The following DCBLD1 variants were observed in gnomAD, a reference collection of about 807,000 sequenced individuals.
DCBLD1 encodes the protein discoidin, CUB and LCCL domain containing 1, also known as discoidin, CUB and LCCL domain-containing protein 1.
In DCBLD1, 57 loss-of-function variants were observed where a neutral mutation model predicts 71.5. That is an observed-to-expected ratio of 0.80 (90% CI 0.64 to 0.99). DCBLD1 has a LOEUF of 0.99. Among genes scored for constraint, DCBLD1 ranks in the 50% least tolerant of loss-of-function variants. DCBLD1 has a pLI of 0.00. For synonymous variants in DCBLD1, 380 were observed against 363.8 expected, an observed-to-expected ratio of 1.04 and a Z score of -0.51; for missense variants, 891 against 923.5, an observed-to-expected ratio of 0.96 and a Z score of 0.46.
At chr6:117,513,878 T>C (rs1456002691) in intron 2 of DCBLD1, among the ~76,000 whole-genome samples, 1 of 152,030 alleles carries the variant, frequency 6.6e-6, no homozygotes, top group Non-Finnish European at 1.5e-5. Flanking sequence ...TAAATATAGG[T>C]GTAGATCCTT....
intron 3 of DCBLD1, 113 bp from the exon 4 acceptor site, chr6:117,521,412 C>T (rs1476058490): frequency 4.7e-6 from 4 of 846,794 alleles, no homozygotes; most frequent in Non-Finnish European, 3.6e-6. Flanking sequence ...CTGATAACTA[C>T]ATAGTGAATA....
chr6:117,551,106 TGGGATAAATTCCCCTAG>T (rs1779419611), downstream of DCBLD1, among the ~76,000 whole-genome samples: 1 of 152,230 alleles, frequency 6.6e-6, no homozygotes, highest in Non-Finnish European at 1.5e-5. Context: ...CTCCTTGTTC[TGGGATAAATTCCCCTAG>T]GGGCTTTAAA....
downstream of DCBLD1, among the ~76,000 whole-genome samples, chr6:117,550,250 C>CT (rs886469905): frequency 3.8e-4 from 56 of 148,648 alleles, no homozygotes; most frequent in Non-Finnish European, 4.6e-4. Flanking sequence ...GAGAACAGGA[C>CT]TTTTTTTTTT....
chr6:117,546,542 G>A (rs1317667238), intron 14 of DCBLD1, among the ~76,000 whole-genome samples: 3 of 152,184 alleles, frequency 2.0e-5, no homozygotes, highest in African/African-American at 7.2e-5. Context: ...CCATCCTCTT[G>A]TTCCTTGGAA....
chr6:117,534,748 T>C lies in DCBLD1; in HGVS notation c.719+2355T>C, dbSNP rs117533208. On this transcript the variant is annotated intron_variant, in intron 6 of 14. Transcript: ENST00000338728. ...GGACTTAATACATACATATATAATA[T>C]ATTTTATATAATTTGAAAAGTATAT... Among the ~76,000 whole-genome samples the C allele has an allele frequency of 7.2e-3, 1,080 of 150,330 alleles. 6 individuals are homozygous for C. The highest frequency in any genetic ancestry group is 0.011 in the Non-Finnish European group (718 of 67,604).
chr6:117,532,141 G>A, intron 5 of DCBLD1, 119 bp from the exon 6 acceptor site: 1 of 1,413,790 alleles, frequency 7.1e-7, no homozygotes, highest in African/African-American at 1.4e-5. Context: ...CATGGCCATT[G>A]GAAGGCTTTA....
rs1779347399 is a variant in DCBLD1 at position 117,548,300 on chromosome 6, C to G, written c.2009C>G (p.Ala670Gly). The G allele has an allele frequency of 1.3e-6, 2 of 1,550,548 alleles. No homozygotes were observed. Among genetic ancestry groups the G allele is most frequent in the African/African-American group, 1.4e-5 (1 of 73,074 alleles). The change falls in exon 15 of 15, where the codon GCT becomes GGT. Residue 670 changes from alanine to glycine, a missense_variant. By Grantham distance (60) the Ala-to-Gly change is moderately conservative (BLOSUM62 0). Transcript: ENST00000338728. ...GACAGGGGCTACGACCGGCCCAAAG[C>G]TGTCAGCGCCCTCGCCACCGAAAGC... ...PADRGYDRPK[A>G]VSALATESGH...
chr6:117,553,980 A>G (rs918623926), downstream of DCBLD1, among the ~76,000 whole-genome samples: 2 of 152,188 alleles, frequency 1.3e-5, no homozygotes, highest in Admixed American at 6.5e-5. Flanking sequence ...TATACCTTAT[A>G]GGGTTGTGGT....
At chr6:117,523,507 G>A (rs1478059975) in intron 4 of DCBLD1, among the ~76,000 whole-genome samples, 4 of 152,218 alleles carry the variant, frequency 2.6e-5, no homozygotes, top group South Asian at 2.1e-4. Context: ...CCCCACCAGC[G>A]TATTACATCA....
At chr6:117,488,161 C>G (rs1562425306) in intron 1 of DCBLD1, among the ~76,000 whole-genome samples, 1 of 152,208 alleles carries the variant, frequency 6.6e-6, no homozygotes, top group Non-Finnish European at 1.5e-5. Context: ...CCTCTTCTTT[C>G]ACCGCTAGCA....
chr6:117,487,363 C>T (rs562214123), intron 1 of DCBLD1, among the ~76,000 whole-genome samples: 2 of 152,288 alleles, frequency 1.3e-5, no homozygotes, highest in African/African-American at 4.8e-5. Context: ...AGGTGGCTCA[C>T]ACCTGTAATC....
Position 117,548,146 on chromosome 6 carries a change from A to T in DCBLD1, c.1855A>T (p.Ser619Cys). 1 of 1,550,066 alleles carries T rather than the reference A, an allele frequency of 6.5e-7. No individual in the cohort carries two copies. Among genetic ancestry groups the T allele is most frequent in the South Asian group, 1.2e-5 (1 of 84,018 alleles). The stretch of plus-strand genomic sequence containing the variant: ...GCGCGCCCACACGTTCTCTGCGCAG[A>T]GCGGCTACCGCGTCCCAGGGCCCCA... ...VLRAHTFSAQSGYRVPGPQPG... is the reference protein window; with the variant it reads ...VLRAHTFSAQCGYRVPGPQPG... Residue 619 changes from serine to cysteine, a missense_variant, in exon 15 of 15, where the codon AGC becomes TGC. Physicochemically the swap from Ser to Cys is moderately radical, Grantham distance 112. Coordinates refer to ENST00000338728, the MANE Select transcript of DCBLD1 (RefSeq NM_001366458.2).
rs35499397 is a variant in DCBLD1, at chr6:117,542,310, A to G, written c.1358-814A>G. ...CCATCTCTTAAAAAAAAAAAAAAAG[A>G]AAAAGAAGTAATAATAACACTTCTG... On this transcript the variant is annotated intron_variant, in intron 11 of 14. Transcript: ENST00000338728. Among the ~76,000 whole-genome samples, 49 of 150,190 alleles carry G rather than the reference A, an allele frequency of 3.3e-4. No individual in the cohort carries two copies. In the East Asian group the frequency reaches 9.1e-3, roughly 28 times the overall value.
At chr6:117,496,636 AC>A (rs1230996323) in intron 1 of DCBLD1, among the ~76,000 whole-genome samples, 8 of 152,148 alleles carry the variant, frequency 5.3e-5, no homozygotes, top group Non-Finnish European at 1.0e-4. Flanking sequence ...ATGTGTTGAG[AC>A]CTGTTGTAAC....
intron 5 of DCBLD1, among the ~76,000 whole-genome samples, chr6:117,529,571 G>A (rs9320606): frequency 0.31 from 46,683 of 151,920 alleles, 8,254 homozygotes; most frequent in African/African-American, 0.49. Flanking sequence ...CTGTTCAAAA[G>A]GGAATTTTCA....
At chr6:117,562,867 C>A in intron 14 of DCBLD1, 1 of 223,504 alleles carries the variant, frequency 4.5e-6, no homozygotes, top group Non-Finnish European at 8.9e-6. Context: ...AATATGAATT[C>A]ACTTACTCTC....
In DCBLD1 at chr6:117,521,562, G is replaced by T. The variant is rs1427439981; in HGVS notation, c.498G>T (p.Leu166Phe). The T allele has an allele frequency of 6.4e-7, 1 of 1,566,734 alleles. No individual in the cohort carries two copies. Among genetic ancestry groups the T allele is most frequent in the Non-Finnish European group, 8.6e-7 (1 of 1,165,848 alleles). The change falls in exon 4 of 15, where the codon TTG (leucine) becomes TTT (phenylalanine). Residue 166 changes from leucine (L) to phenylalanine (F), a missense_variant. By Grantham distance (22) the Leu-to-Phe change is conservative (BLOSUM62 0). Transcript: ENST00000338728. ...GTTTGGAACGAGCTAGCCATTATTTGAAGACAGAATACAGGTAAGTATAGG... is the reference window on the plus strand; with the variant it reads ...GTTTGGAACGAGCTAGCCATTATTTTAAGACAGAATACAGGTAAGTATAGG... ...ITCLERASHYLKTEYSKFCPA... is the reference protein window; with the variant it reads ...ITCLERASHYFKTEYSKFCPA...
intron 1 of DCBLD1, among the ~76,000 whole-genome samples, chr6:117,498,752 A>AT: frequency 6.6e-6 from 1 of 152,116 alleles, no homozygotes; most frequent in Non-Finnish European, 1.5e-5. Flanking sequence ...TTTGCCAGGT[A>AT]TTTTAAGGCA....
At chr6:117,505,938 A>G (rs903013658) in intron 2 of DCBLD1, among the ~76,000 whole-genome samples, 1 of 152,216 alleles carries the variant, frequency 6.6e-6, no homozygotes, top group Non-Finnish European at 1.5e-5. Flanking sequence ...GCTTAGATGC[A>G]TCACTAGAAG....
Sources: allele counts gnomAD v4.1 joint callset (sites outside exome capture counted in the v4.1 genomes callset), GRCh38; gene constraint gnomAD v4.1.1; transcripts MANE v1.5; gene names NCBI Gene and HGNC (gene_info 2026-07-23, HGNC 2026-07-21).